The following RBFOX3 variants were observed in gnomAD, a reference collection of about 807,000 sequenced individuals.
RBFOX3 encodes RNA binding protein fox-1 homolog 3.
A neutral mutation model predicts 48.7 loss-of-function variants in RBFOX3; 17 were observed. The ratio of observed to expected loss-of-function variants is 0.35; its 90% CI spans 0.24 to 0.52. The LOEUF (loss-of-function observed/expected upper bound fraction) is 0.52, where lower values mean the gene tolerates loss of function less well. Ranked by LOEUF, RBFOX3 falls within the 20% of genes least tolerant of loss-of-function variation. RBFOX3 has a pLI of 0.94. For missense variants in RBFOX3, 382 were observed against 497.5 expected (o/e 0.77, Z 2.21); for synonymous variants, 212 against 209.5 (o/e 1.01, Z -0.10).
chr17:79,317,935 T>C lies in RBFOX3; in HGVS notation c.-174-10111A>G, dbSNP rs117402386. On this transcript the variant is annotated intron_variant, in intron 2 of 14. Coordinates refer to ENST00000693108, the MANE Select transcript of RBFOX3 (RefSeq NM_001350451.2). ...AACTTCCCTATCTTGAGTTGTCGGT[T>C]TCATGATTATTTTTCTAGGAATGGA... 3.8e-4 allele frequency among the ~76,000 whole-genome samples: 58 copies of C among 152,280 alleles called. No individual in the cohort carries two copies. In the East Asian group the frequency reaches 9.6e-3, roughly 25 times the overall value.
chr17:79,418,145 G>A lies in RBFOX3; in HGVS notation c.-175+64309C>T, dbSNP rs1177311207. Among the ~76,000 whole-genome samples, 1 of 152,166 alleles carries A rather than the reference G, an allele frequency of 6.6e-6. No homozygotes were observed. Among genetic ancestry groups the A allele is most frequent in the Non-Finnish European group, 1.5e-5 (1 of 68,028 alleles). ...ATTCTGGAGATGGATGGTGATGGCC[G>A]CACAACAAGATGAATGTACTTAATG... On this transcript the variant is annotated intron_variant, in intron 2 of 14. Transcript: ENST00000693108. The surrounding 1 kb of genome is among the most constrained non-coding windows in gnomAD (Gnocchi z 5.0).
In RBFOX3 at chr17:79,584,773, A is replaced by AT. The variant is rs1199720706; in HGVS notation, c.-320+26052dup. Among the ~76,000 whole-genome samples, 75 of 127,756 alleles carry AT rather than the reference A, an allele frequency of 5.9e-4. 1 individual carries two copies. The South Asian group carries it at 6.5e-3, about 11-fold the overall frequency. The allele number at this position is 127,756 out of a possible 152,430, so 83.8% of individuals were successfully genotyped here. A position where few individuals can be genotyped will look rare whatever the true frequency, so the allele number is the denominator to read the frequency against. On this transcript the variant is annotated intron_variant, in intron 1 of 14. Transcript: ENST00000693108. The stretch of plus-strand genomic sequence containing the variant: ...TGGATTTTTTTATTTTTATTTATTT[A>AT]TTTTTTTTTTGAGACTGAGTCTCAC...
intron 4 of RBFOX3, among the ~76,000 whole-genome samples, chr17:79,117,632 T>G (rs2034450315): frequency 6.6e-6 from 1 of 152,212 alleles, no homozygotes; most frequent in South Asian, 2.1e-4. Context: ...CCATGCTCCC[T>G]GCACAGGTGG....
chr17:79,457,593 G>A (rs782383945), intron 2 of RBFOX3, among the ~76,000 whole-genome samples: 15 of 152,132 alleles, frequency 9.9e-5, no homozygotes, highest in East Asian at 7.7e-4. Context: ...CAGTTGGGGC[G>A]CCCTCTCTCC....
chr17:79,483,938 G>A (rs2079145749), intron 1 of RBFOX3, among the ~76,000 whole-genome samples: 1 of 152,158 alleles, frequency 6.6e-6, no homozygotes, highest in Non-Finnish European at 1.5e-5. Flanking sequence ...AGGGCTGGCA[G>A]GGGGTAGACC....
chr17:79,282,812 A>G (rs1423325233), intron 3 of RBFOX3, among the ~76,000 whole-genome samples: 1 of 152,284 alleles, frequency 6.6e-6, no homozygotes, highest in African/African-American at 2.4e-5. Context: ...AGGCTGGGCC[A>G]GTTCCTGGCC....
chr17:79,292,611 CACACATACAT>C (rs1426688095), intron 3 of RBFOX3, among the ~76,000 whole-genome samples: 1,282 of 70,738 alleles, frequency 0.018, 17 homozygotes, highest in African/African-American at 0.058. Context: ...CACACACACA[CACACATACAT>C]GCAGACCCAG....
chr17:79,522,022 C>T (rs2150001140), intron 1 of RBFOX3, among the ~76,000 whole-genome samples: 1 of 152,294 alleles, frequency 6.6e-6, no homozygotes, highest in Middle Eastern at 3.4e-3. Context: ...ACAGGCTGAC[C>T]TTCACCCGAC....
chr17:79,530,555 G>A (rs2087583785), intron 1 of RBFOX3, among the ~76,000 whole-genome samples: 1 of 152,130 alleles, frequency 6.6e-6, no homozygotes, highest in African/African-American at 2.4e-5. Context: ...AGCACCAAGA[G>A]GCAGCCCAGC....
intron 10 of RBFOX3, 57 bp downstream of exon 10, chr17:79,097,635 G>A (rs1238471933): frequency 3.7e-5 from 52 of 1,390,804 alleles, no homozygotes; most frequent in Non-Finnish European, 5.0e-5. Context: ...AGCCCCCGGA[G>A]CCCCACGGGG....
chr17:79,306,958 C>T (rs1327082682), intron 3 of RBFOX3, among the ~76,000 whole-genome samples: 1 of 152,238 alleles, frequency 6.6e-6, no homozygotes, highest in African/African-American at 2.4e-5. Context: ...GCCCCAGGCC[C>T]TCTGAGGGAG....
At chr17:79,645,262 C>T in the RBFOX3 span, among the ~76,000 whole-genome samples, 1,672 of 152,246 alleles carry the variant, frequency 0.011, 28 homozygotes, top group African/African-American at 0.038. Flanking sequence ...CAAAACCTTG[C>T]GTGCAATGTC....
Position 79,168,003 on chromosome 17 carries a change from C to T in RBFOX3, c.-33-52255G>A, listed in dbSNP as rs1191217409. On this transcript the variant is annotated intron_variant, in intron 4 of 14. Transcript: ENST00000693108. ...CAGAGTGGGGGGCAGTGGGGGTCCCCGGCTGGACCCCAGCCCCAGGGCTGG... is the reference window on the plus strand; with the variant it reads ...CAGAGTGGGGGGCAGTGGGGGTCCCTGGCTGGACCCCAGCCCCAGGGCTGG... Among the ~76,000 whole-genome samples the T allele has an allele frequency of 7.2e-5, 11 of 152,338 alleles. No individual in the cohort carries two copies. In the East Asian group the frequency reaches 1.2e-3, roughly 16 times the overall value.
intron 2 of RBFOX3, among the ~76,000 whole-genome samples, chr17:79,326,991 A>G (rs2079432768): frequency 1.3e-5 from 2 of 152,234 alleles, no homozygotes; most frequent in African/African-American, 4.8e-5. Flanking sequence ...ACAGCACACC[A>G]GGAGCCGATC....
At chr17:79,416,524 G>A (rs2065389194) in intron 2 of RBFOX3, among the ~76,000 whole-genome samples, 1 of 152,232 alleles carries the variant, frequency 6.6e-6, no homozygotes. Flanking sequence ...CAGCACTTCT[G>A]GTGTGGCCCC....
intron 1 of RBFOX3, among the ~76,000 whole-genome samples, chr17:79,512,891 G>C (rs1254980977): frequency 6.8e-6 from 1 of 146,504 alleles, no homozygotes; most frequent in Non-Finnish European, 1.5e-5. Context: ...ATTACCATCG[G>C]CTACGGCCCC....
intron 4 of RBFOX3, among the ~76,000 whole-genome samples, chr17:79,131,021 C>T (rs956092378): frequency 4.6e-5 from 7 of 151,908 alleles, no homozygotes; most frequent in African/African-American, 1.7e-4. Flanking sequence ...AGCATGTGTG[C>T]CCCATGTGTG....
chr17:79,370,134 C>T (rs1051922911), intron 2 of RBFOX3, among the ~76,000 whole-genome samples: 14 of 152,350 alleles, frequency 9.2e-5, no homozygotes, highest in African/African-American at 3.4e-4. Flanking sequence ...CCATCATCAC[C>T]AGAGCACCTC....
the RBFOX3 span, among the ~76,000 whole-genome samples, chr17:79,662,858 G>T: frequency 6.6e-6 from 1 of 152,178 alleles, no homozygotes; most frequent in African/African-American, 2.4e-5. Flanking sequence ...CAGGCCTGAA[G>T]CTGAAATCTC....
Sources: allele counts gnomAD v4.1 joint callset (sites outside exome capture counted in the v4.1 genomes callset), GRCh38; gene constraint gnomAD v4.1.1; non-coding constraint Gnocchi (gnomAD v3.1); transcripts MANE v1.5; gene names NCBI Gene and HGNC (gene_info 2026-07-23, HGNC 2026-07-21).